Variants in UBXN2A observed in about 807,000 individuals in gnomAD.
UBXN2A encodes the protein UBX domain protein 2A, also known as UBX domain-containing protein 2A.
In UBXN2A, 28 loss-of-function variants were observed where a neutral mutation model predicts 28.4. The ratio of observed to expected loss-of-function variants is 0.99; its 90% confidence interval spans 0.73 to 1.35. The LOEUF is 1.35. Among genes scored for constraint, UBXN2A ranks in the 40% most tolerant of loss-of-function variants. The probability of loss-of-function intolerance (pLI) is 0.00; values close to 1 mark genes in which losing one functional copy is unlikely to be tolerated. For synonymous variants in UBXN2A, 97 were observed against 103.6 expected, an observed-to-expected ratio of 0.94 and a Z score of 0.39; for missense variants, 253 against 297.9, an observed-to-expected ratio of 0.85 and a Z score of 1.11.
intron 1 of UBXN2A, chr2:23,944,170 G>C (rs1705915987): frequency 1.6e-6 from 2 of 1,226,332 alleles, no homozygotes; most frequent in Non-Finnish European, 2.4e-6. Flanking sequence ...CTGTGTCTGG[G>C]GCCAGCACTG....
At chr2:23,943,834 C>A in intron 1 of UBXN2A, 1 of 352,900 alleles carries the variant, frequency 2.8e-6, no homozygotes, top group Admixed American at 3.1e-5. Context: ...TCCGTCCAGA[C>A]CAGAACCCAA....
upstream of UBXN2A, among the ~76,000 whole-genome samples, chr2:23,936,109 A>T (rs1345561091): frequency 6.6e-6 from 1 of 152,142 alleles, no homozygotes; most frequent in African/African-American, 2.4e-5. Flanking sequence ...CAAAAATTTT[A>T]AAAAATTGAA....
intron 6 of UBXN2A, among the ~76,000 whole-genome samples, chr2:23,993,790 C>T (rs1408085505): frequency 1.3e-5 from 2 of 151,212 alleles, no homozygotes; most frequent in Admixed American, 1.3e-4. Flanking sequence ...CTGGTTCAAG[C>T]AATTCTCCTG....
intron 5 of UBXN2A, among the ~76,000 whole-genome samples, 175 bp downstream of exon 5, chr2:23,983,208 T>C: frequency 6.6e-6 from 1 of 152,156 alleles, no homozygotes; most frequent in East Asian, 1.9e-4. Context: ...TACCTAAGTA[T>C]ATATTAACAA....
intron 1 of UBXN2A, among the ~76,000 whole-genome samples, chr2:23,933,179 CAA>C (rs1705425874): frequency 1.3e-5 from 2 of 151,684 alleles, no homozygotes; most frequent in African/African-American, 4.8e-5. Context: ...AATGACAAAA[CAA>C]ATTTTAAAAT....
chr2:23,972,692 C>T (rs936218219), intron 3 of UBXN2A, among the ~76,000 whole-genome samples: 4 of 151,882 alleles, frequency 2.6e-5, no homozygotes, highest in African/African-American at 7.2e-5. Flanking sequence ...TGTGGTGGTG[C>T]GTGCCTGTAA....
chr2:23,942,298 A>T (rs1040694637), intron 1 of UBXN2A, among the ~76,000 whole-genome samples: 1 of 152,138 alleles, frequency 6.6e-6, no homozygotes, highest in Non-Finnish European at 1.5e-5. Flanking sequence ...GGCTCAGGCA[A>T]AGGAAATAGA....
exon 1 of UBXN2A, chr2:23,927,328 C>G (rs191972422): frequency 6.6e-6 from 1 of 152,574 alleles, no homozygotes; most frequent in Admixed American, 6.5e-5. Flanking sequence ...AAAAGCCAGA[C>G]TAATCAGGAC....
intron 4 of UBXN2A, among the ~76,000 whole-genome samples, chr2:23,982,670 A>T (rs1707961129): frequency 6.6e-6 from 1 of 151,998 alleles, no homozygotes; most frequent in Non-Finnish European, 1.5e-5. Context: ...AATAATAAAA[A>T]CTGATGCTGT....
At chr2:23,944,312 G>C in intron 1 of UBXN2A, 1 of 1,604,548 alleles carries the variant, frequency 6.2e-7, no homozygotes. Flanking sequence ...TGGTTGTCCT[G>C]GTTCTTACTG....
intron 6 of UBXN2A, among the ~76,000 whole-genome samples, chr2:23,987,764 C>A (rs1324304274): frequency 7.9e-6 from 1 of 127,358 alleles, no homozygotes; most frequent in East Asian, 2.3e-4. Context: ...GGGGACAGAA[C>A]GAGACTCCAT....
At chr2:23,961,974 A>T (rs970907188) in intron 2 of UBXN2A, among the ~76,000 whole-genome samples, 1 of 151,714 alleles carries the variant, frequency 6.6e-6, no homozygotes, top group Non-Finnish European at 1.5e-5. Context: ...CCTCCCGAGT[A>T]GTTGGGAGTA....
chr2:23,967,485 A>G lies in UBXN2A; in HGVS notation c.42-3791A>G, dbSNP rs890387903. ...CAGTATGTATACTGATACTTACTAT[A>G]TACCATGTTTAGGCTTTTATATATA... On this transcript the variant is annotated intron_variant, in intron 2 of 6. Transcript: ENST00000309033. Among the ~76,000 whole-genome samples, 12 of 152,346 alleles carry G rather than the reference A, an allele frequency of 7.9e-5. No homozygotes were observed. The South Asian group carries it at 1.9e-3, about 24-fold the overall frequency.
intron 2 of UBXN2A, among the ~76,000 whole-genome samples, chr2:23,970,172 T>C (rs1166925831): frequency 1.3e-5 from 2 of 152,106 alleles, no homozygotes; most frequent in Non-Finnish European, 2.9e-5. Flanking sequence ...TAGTCCCAGC[T>C]ACTTGGGGGT....
rs750957862 is a variant in UBXN2A, at chr2:23,982,974, A to T, written c.366A>T (p.Ile122=). Residue 122 remains isoleucine (I), a synonymous_variant, in exon 5 of 7, where the codon ATA becomes ATT. Coordinates refer to ENST00000309033, the MANE Select transcript of UBXN2A (RefSeq NM_181713.4). ...AAGTTGAAGACAAGAAAAATGAAAT[A>T]TGTTTGTCTACGAAGCCTGTGTTCC... The part of the protein sequence containing the change: ...DVKVEDKKNE[I]CLSTKPVFQP... The T allele has an allele frequency of 1.2e-6, 2 of 1,612,122 alleles. No individual in the cohort carries two copies. Among genetic ancestry groups the T allele is most frequent in the South Asian group, 1.1e-5 (1 of 90,630 alleles).
chr2:23,959,505 T>A (rs1354261005), intron 2 of UBXN2A, among the ~76,000 whole-genome samples: 1 of 151,694 alleles, frequency 6.6e-6, no homozygotes, highest in Admixed American at 6.6e-5. Flanking sequence ...AAAAAATAAA[T>A]AAAAATAAAT....
chr2:23,944,163 T>C, intron 1 of UBXN2A: 1 of 1,148,802 alleles, frequency 8.7e-7, no homozygotes, highest in Admixed American at 1.7e-5. Flanking sequence ...TTGGTCCCTG[T>C]GTCTGGGGCC....
At chr2:23,966,337 C>G (rs545005002) in intron 2 of UBXN2A, among the ~76,000 whole-genome samples, 1 of 151,926 alleles carries the variant, frequency 6.6e-6, no homozygotes, top group Non-Finnish European at 1.5e-5. Flanking sequence ...GGGGTTTCAC[C>G]GTGTTGGCCA....
intron 2 of UBXN2A, among the ~76,000 whole-genome samples, chr2:23,960,023 C>T (rs1276751379): frequency 2.6e-5 from 4 of 151,870 alleles, no homozygotes; most frequent in East Asian, 1.9e-4. Flanking sequence ...AAGGCCGAGG[C>T]GGGTGGATCA....
Sources: gnomAD v4.1 joint callset for allele counts (sites outside exome capture counted in the v4.1 genomes callset) on GRCh38, gnomAD v4.1.1 for gene constraint, MANE v1.5 for transcripts, NCBI Gene and HGNC (gene_info 2026-07-23, HGNC 2026-07-21) for gene names.